The following PSIP1 variants were observed in gnomAD, a reference collection of about 807,000 sequenced individuals.
The protein encoded by PSIP1 is PC4 and SRSF1 interacting protein 1.
A neutral mutation model predicts 74.7 loss-of-function variants in PSIP1; 19 were observed. That is an observed-to-expected ratio of 0.25 (90% CI 0.18 to 0.37). PSIP1 has a LOEUF of 0.37. Ranked by LOEUF, PSIP1 falls within the 10% of genes least tolerant of loss-of-function variation. PSIP1 has a pLI of 1.00. For missense variants in PSIP1, 601 were observed against 614.3 expected (o/e 0.98, Z 0.23); for synonymous variants, 222 against 195.3 (o/e 1.14, Z -1.14).
chr9:15,503,138 A>T (rs1048953629), intron 3 of PSIP1, among the ~76,000 whole-genome samples: 9 of 152,182 alleles, frequency 5.9e-5, no homozygotes, highest in Admixed American at 1.3e-4. Context: ...AGGCCAAGGC[A>T]GGTGGATCAC....
rs1389385823 is a variant in PSIP1, at chr9:15,464,117, C to T, written c.*1403G>A. ...ACAAGTTTACACGTTGAACTTATGGCTTAACTAGAATAAATCTAAGTAAGT... is the reference window on the plus strand; with the variant it reads ...ACAAGTTTACACGTTGAACTTATGGTTTAACTAGAATAAATCTAAGTAAGT... On this transcript the variant is annotated 3_prime_UTR_variant, in exon 16 of 16. Transcript: ENST00000380733. 2 of 181,154 alleles carry T rather than the reference C, an allele frequency of 1.1e-5. No homozygotes were observed. Among genetic ancestry groups the T allele is most frequent in the Admixed American group, 6.3e-5 (1 of 15,924 alleles). 11.2% of individuals were successfully genotyped at this position (181,154 alleles called of 1,614,324 possible). A position where few individuals can be genotyped will look rare whatever the true frequency, so the allele number is the denominator to read the frequency against.
intron 6 of PSIP1, among the ~76,000 whole-genome samples, chr9:15,480,396 A>G (rs904955192): frequency 2.6e-5 from 4 of 152,218 alleles, no homozygotes; most frequent in African/African-American, 9.6e-5. Context: ...CTGTATCACT[A>G]AAGATAAAAA....
intron 6 of PSIP1, among the ~76,000 whole-genome samples, chr9:15,481,162 C>A (rs2036318437): frequency 6.6e-6 from 1 of 152,080 alleles, no homozygotes; most frequent in South Asian, 2.1e-4. Context: ...ACAAAGTTGC[C>A]CTGCCCCAAT....
In PSIP1 at chr9:15,468,739, G is replaced by C; in HGVS notation, c.1311C>G (p.Thr437=). 6.2e-7 allele frequency: 1 copy of C among 1,613,870 alleles called. No individual in the cohort carries two copies. The highest frequency in any genetic ancestry group is 1.1e-5 in the South Asian group (1 of 91,066). ...FLVGEGDSVI[T]QVLNKSLAEQ... ...CAGCAAGAGATTTATTCAGCACTTG[G>C]GTGATCACGGAATCTCCTTCACCAA... The change falls in exon 14 of 16, where the codon ACC becomes ACG. Residue 437 remains threonine (T), a synonymous_variant. Coordinates refer to ENST00000380733, the MANE Select transcript of PSIP1 (RefSeq NM_033222.5).
intron 3 of PSIP1, among the ~76,000 whole-genome samples, chr9:15,504,654 G>A (rs1400940140): frequency 1.3e-5 from 2 of 151,530 alleles, no homozygotes; most frequent in Admixed American, 6.6e-5. Flanking sequence ...GGAGAATGGC[G>A]TGAACCCAGG....
intron 15 of PSIP1, among the ~76,000 whole-genome samples, chr9:15,466,226 A>AAAATTAGATGGGCGTG (rs2035616082): frequency 6.6e-6 from 1 of 152,182 alleles, no homozygotes; most frequent in Admixed American, 6.5e-5. Flanking sequence ...AAAAATACAA[A>AAAATTAGATGGGCGTG]AAATTAGATG....
At chr9:15,478,104 G>T (rs1394284300) in intron 8 of PSIP1, among the ~76,000 whole-genome samples, 1 of 147,588 alleles carries the variant, frequency 6.8e-6, no homozygotes, top group South Asian at 2.1e-4. Flanking sequence ...TCCAGCCTGG[G>T]CGACAGAGTG....
At chr9:15,503,162 T>G (rs1563898968) in intron 3 of PSIP1, among the ~76,000 whole-genome samples, 1 of 151,542 alleles carries the variant, frequency 6.6e-6, no homozygotes, top group Non-Finnish European at 1.5e-5. Flanking sequence ...AGGTCAGGAG[T>G]TTGAGACCAG....
At chr9:15,465,654 G>C (rs2035574231) in intron 15 of PSIP1, 74 bp from the exon 16 acceptor site, 28 of 1,261,080 alleles carry the variant, frequency 2.2e-5, no homozygotes, top group Non-Finnish European at 2.9e-5. Context: ...CATTAAGTCT[G>C]CATTATATTT....
At chr9:15,506,954 T>C (rs370603782) in intron 2 of PSIP1, among the ~76,000 whole-genome samples, 1 of 152,350 alleles carries the variant, frequency 6.6e-6, no homozygotes, top group Non-Finnish European at 1.5e-5. Flanking sequence ...GCAAAATATA[T>C]GGCATATGTA....
chr9:15,497,099 T>TG (rs2037110276), intron 3 of PSIP1, among the ~76,000 whole-genome samples: 3 of 152,130 alleles, frequency 2.0e-5, no homozygotes, highest in Admixed American at 6.5e-5. Flanking sequence ...CAAAAAAACT[T>TG]GGACACAAAT....
chr9:15,471,860 A>G (rs958528429), intron 10 of PSIP1: 1 of 978,022 alleles, frequency 1.0e-6, no homozygotes, highest in Non-Finnish European at 1.2e-6. Flanking sequence ...CACCTCACTA[A>G]AACAACAACA....
At chr9:15,507,401 G>A (rs1034149579) in intron 2 of PSIP1, among the ~76,000 whole-genome samples, 5 of 152,176 alleles carry the variant, frequency 3.3e-5, no homozygotes, top group African/African-American at 1.2e-4. Flanking sequence ...TGTAATCCCA[G>A]CACTCTGGGA....
At chr9:15,477,028 C>T (rs1172620678) in intron 8 of PSIP1, among the ~76,000 whole-genome samples, 2 of 152,044 alleles carry the variant, frequency 1.3e-5, no homozygotes, top group African/African-American at 2.4e-5. Flanking sequence ...AAGCATACTC[C>T]GGGGGAAAAC....
intron 6 of PSIP1, among the ~76,000 whole-genome samples, chr9:15,482,882 C>A (rs2036396530): frequency 6.6e-6 from 1 of 152,292 alleles, no homozygotes. Flanking sequence ...ATGGAGTTCA[C>A]CTGAAAGTAT....
intron 14 of PSIP1, among the ~76,000 whole-genome samples, chr9:15,467,609 G>A (rs2035690125): frequency 6.6e-6 from 1 of 152,184 alleles, no homozygotes; most frequent in Admixed American, 6.5e-5. Flanking sequence ...GGCTACAAAA[G>A]CACAATGATC....
At chr9:15,471,280 A>G (rs1468012131) in intron 10 of PSIP1, 1 of 1,576,294 alleles carries the variant, frequency 6.3e-7, no homozygotes, top group South Asian at 1.1e-5. Context: ...CATTTCACAC[A>G]AGCTGCATCT....
chr9:15,474,235 A>T lies in PSIP1; in HGVS notation c.632T>A (p.Ile211Asn). Residue 211 changes from isoleucine (I) to asparagine (N), a missense_variant and splice_region_variant, in exon 9 of 16, where the codon ATT becomes AAT. This residue lies in a region of PSIP1 where 538 missense variants were observed against 507.6 expected (regional missense o/e 1.06). Coordinates refer to ENST00000380733, the MANE Select transcript of PSIP1 (RefSeq NM_033222.5). ...TTTCTTACTTTTGTCCTCTTCAGTAATGCTATTTTAGAGAACATAACAATG... is the reference window on the plus strand; with the variant it reads ...TTTCTTACTTTTGTCCTCTTCAGTATTGCTATTTTAGAGAACATAACAATG... ...KQPCPSESDIITEEDKSKKKG... is the reference protein window; with the variant it reads ...KQPCPSESDINTEEDKSKKKG... 1.2e-6 allele frequency: 2 copies of T among 1,603,336 alleles called. No individual in the cohort carries two copies. Among genetic ancestry groups the T allele is most frequent in the Non-Finnish European group, 1.7e-6 (2 of 1,175,128 alleles).
intron 6 of PSIP1, among the ~76,000 whole-genome samples, chr9:15,482,921 T>C (rs537959899): frequency 4.1e-4 from 63 of 152,168 alleles, no homozygotes; most frequent in Non-Finnish European, 7.2e-4. Context: ...GCAAGTATCT[T>C]ACTGGTACCC....
Sources: gnomAD v4.1 joint callset for allele counts (sites outside exome capture counted in the v4.1 genomes callset) on GRCh38, gnomAD v4.1.1 for gene constraint, gnomAD v4.1.1 regional missense constraint, MANE v1.5 for transcripts, NCBI Gene and HGNC (gene_info 2026-07-23, HGNC 2026-07-21) for gene names.